MEX3D: variants seen among roughly 807,000 people sequenced by gnomAD.
MEX3D encodes mex-3 RNA binding family member D.
In MEX3D, 4 loss-of-function variants were observed where a neutral mutation model predicts 6.3. The ratio of observed to expected loss-of-function variants is 0.64; its 90% CI spans 0.31 to 1.46. The LOEUF (loss-of-function observed/expected upper bound fraction) is 1.46. Among genes scored for constraint, MEX3D ranks in the 40% most tolerant of loss-of-function variants. MEX3D has a pLI of 0.07. For synonymous variants in MEX3D, 626 were observed against 494.1 expected (o/e 1.27, Z -3.54); for missense variants, 1,038 against 994.4 (o/e 1.04, Z -0.59).
chr19:1,562,910 C>T (rs1914754476), intron 1 of MEX3D, among the ~76,000 whole-genome samples: 1 of 151,726 alleles, frequency 6.6e-6, no homozygotes, highest in Non-Finnish European at 1.5e-5. Flanking sequence ...CCCAGCTACT[C>T]GGGAGGCTGA....
chr19:1,560,291 C>T (rs978098925), intron 1 of MEX3D, among the ~76,000 whole-genome samples: 1 of 152,234 alleles, frequency 6.6e-6, no homozygotes, highest in African/African-American at 2.4e-5. Context: ...GGAAGGGAAA[C>T]TGAGGCACAG....
chr19:1,559,266 G>C (rs541000837), intron 1 of MEX3D, among the ~76,000 whole-genome samples: 2 of 152,014 alleles, frequency 1.3e-5, no homozygotes, highest in South Asian at 4.2e-4. Flanking sequence ...TGAGTAGCTG[G>C]GATTACAGGC....
rs1914464812 is a variant in MEX3D, at chr19:1,554,851, T to A, written c.*712A>T. ...ATATATTTTAGTTCTTAAAATTTAT[T>A]CCATAAAGTACATATTTCCCTATAA... On this transcript the variant is annotated 3_prime_UTR_variant, in exon 2 of 2. Coordinates refer to ENST00000402693, the MANE Select transcript of MEX3D (RefSeq NM_203304.4). 1 of 151,120 alleles carries A rather than the reference T, an allele frequency of 6.6e-6. No individual in the cohort carries two copies. The allele number at this position is 151,120 out of a possible 1,614,324, so 9.4% of individuals were successfully genotyped here. A position where few individuals can be genotyped will look rare whatever the true frequency, so the allele number is the denominator to read the frequency against.
chr19:1,558,972 C>T lies in MEX3D; in HGVS notation c.596-2049G>A, dbSNP rs377708187. On this transcript the variant is annotated intron_variant, in intron 1 of 1. Transcript: ENST00000402693. ...AGACATCCCTACCCCACCCCTGGGG[C>T]CTTAATGGTTTTTTTTTTTTTCTTT... Among the ~76,000 whole-genome samples the T allele has an allele frequency of 2.6e-5, 4 of 151,822 alleles. No homozygotes were observed. In the East Asian group the frequency reaches 7.7e-4, roughly 29 times the overall value.
At chr19:1,560,168 G>A (rs1203451810) in intron 1 of MEX3D, among the ~76,000 whole-genome samples, 1 of 151,806 alleles carries the variant, frequency 6.6e-6, no homozygotes, top group Non-Finnish European at 1.5e-5. Flanking sequence ...TGGCTTCACA[G>A]GCCCGGCTTC....
chr19:1,567,314 G>T lies in MEX3D; in HGVS notation c.595+150C>A. The T allele has an allele frequency of 1.1e-6, 1 of 912,592 alleles. No homozygotes were observed. Among genetic ancestry groups the T allele is most frequent in the Non-Finnish European group, 1.5e-6 (1 of 680,856 alleles). 56.5% of individuals were successfully genotyped at this position (912,592 alleles called of 1,614,324 possible). A position where few individuals can be genotyped will look rare whatever the true frequency, so the allele number is the denominator to read the frequency against. On this transcript the variant is annotated intron_variant, in intron 1 of 1. Transcript: ENST00000402693. The surrounding 1 kb of genome is among the most constrained non-coding windows in gnomAD (Gnocchi z 6.5). ...CCCGCGGCGGCTGCAGGACAAAGGC[G>T]CAAAGGCAGCGGCCGAGGCCGGAGC...
Position 1,556,251 on chromosome 19 carries a change from G to A in MEX3D, c.1268C>T (p.Pro423Leu). The change falls in exon 2 of 2, where the codon CCC becomes CTC. Residue 423 changes from proline to leucine, a missense_variant. Physicochemically the swap from Pro to Leu is moderately conservative, Grantham distance 98 (BLOSUM62 -3). Coordinates refer to ENST00000402693, the MANE Select transcript of MEX3D (RefSeq NM_203304.4). This position sits in a 1 kb window ranked among gnomAD's most constrained non-coding sequence, Gnocchi z 7.5. ...GCCCCCGTTGCCGGAGCCGCTGTAG[G>A]GGCTGGCGGGGCCTGGGTCCGGCAC... is the stretch of plus-strand genomic sequence containing the variant. ...PSVPDPGPASPYSGSGNGGFA... is the reference protein window; with the variant it reads ...PSVPDPGPASLYSGSGNGGFA... The A allele has an allele frequency of 7.4e-7, 1 of 1,359,438 alleles. No individual in the cohort carries two copies. The highest frequency in any genetic ancestry group is 1.5e-5 in the South Asian group (1 of 66,478). 84.2% of individuals were successfully genotyped at this position (1,359,438 alleles called of 1,614,324 possible). A position where few individuals can be genotyped will look rare whatever the true frequency, so the allele number is the denominator to read the frequency against.
At position 1,567,425 on chromosome 19, in the gene MEX3D, G is replaced by A. The variant is rs755383447; in HGVS notation, c.595+39C>T. The A allele has an allele frequency of 1.3e-6, 2 of 1,534,508 alleles. No individual in the cohort carries two copies. The highest frequency in any genetic ancestry group is 8.7e-7 in the Non-Finnish European group (1 of 1,145,612). On this transcript the variant is annotated intron_variant, in intron 1 of 1. Coordinates refer to ENST00000402693, the MANE Select transcript of MEX3D (RefSeq NM_203304.4). The surrounding 1 kb of genome is among the most constrained non-coding windows in gnomAD (Gnocchi z 6.5). ...CCCTTCCCCGGGGCGGACGGTGCGG[G>A]GACCCCCAGGACAGCAACCCCCGAC...
Position 1,556,898 on chromosome 19 carries a change from G to C in MEX3D, c.621C>G (p.Ala207=). ...GGGTCTTGATGTAGGTGTTTGTCTT[G>C]GCCCGCAGGGCCTTGATCTTGCAGC... ...RQGCKIKALR[A]KTNTYIKTPV... Residue 207 remains alanine, a synonymous_variant, in exon 2 of 2, where the codon GCC becomes GCG. Transcript: ENST00000402693. This position sits in a 1 kb window ranked among gnomAD's most constrained non-coding sequence, Gnocchi z 7.5. 1 of 1,609,120 alleles carries C rather than the reference G, an allele frequency of 6.2e-7. No homozygotes were observed. Among genetic ancestry groups the C allele is most frequent in the Non-Finnish European group, 8.5e-7 (1 of 1,178,756 alleles).
Position 1,555,852 on chromosome 19 carries a change from G to C in MEX3D, c.1667C>G (p.Ala556Gly), listed in dbSNP as rs1914525281. The C allele has an allele frequency of 2.2e-6, 3 of 1,334,970 alleles. No homozygotes were observed. The highest frequency in any genetic ancestry group is 2.9e-6 in the Non-Finnish European group (3 of 1,048,538). 82.7% of individuals were successfully genotyped at this position (1,334,970 alleles called of 1,614,324 possible). A position where few individuals can be genotyped will look rare whatever the true frequency, so the allele number is the denominator to read the frequency against. ...PQGPVSFPGG[A>G]AFSTATSLPS... ...CAGCGAGGTGGCCGTGGAGAAGGCGGCGCCGCCTGGGAAGGATACGGGGCC... is the reference window on the plus strand; with the variant it reads ...CAGCGAGGTGGCCGTGGAGAAGGCGCCGCCGCCTGGGAAGGATACGGGGCC... Residue 556 changes from alanine (A) to glycine (G), a missense_variant, in exon 2 of 2, where the codon GCC (alanine) becomes GGC (glycine). Ala to Gly is a moderately conservative substitution (Grantham distance 60, BLOSUM62 0). This residue lies in a region of MEX3D where 581 missense variants were observed against 516.2 expected (regional missense o/e 1.13). Transcript: ENST00000402693.
chr19:1,555,356 G>GCGC lies in MEX3D; in HGVS notation c.*204_*206dup. The GCGC allele has an allele frequency of 1.2e-6, 2 of 1,602,468 alleles. No individual in the cohort carries two copies. Among genetic ancestry groups the GCGC allele is most frequent in the Non-Finnish European group, 1.7e-6 (2 of 1,173,928 alleles). ...TCAATACTGTCGTTGAAGGGCTGAG[G>GCGC]CGCCGCCGGGCTGCGGGGTCTCCGT... On this transcript the variant is annotated 3_prime_UTR_variant, in exon 2 of 2. Transcript: ENST00000402693.
intron 1 of MEX3D, among the ~76,000 whole-genome samples, chr19:1,560,924 G>A (rs1324306689): frequency 1.3e-5 from 2 of 151,822 alleles, no homozygotes; most frequent in Non-Finnish European, 2.9e-5. Flanking sequence ...CACTGGAAAT[G>A]ACACAGCGAG....
chr19:1,557,129 G>A (rs993533618), intron 1 of MEX3D, among the ~76,000 whole-genome samples: 19 of 152,194 alleles, frequency 1.2e-4, no homozygotes, highest in African/African-American at 2.7e-4. Flanking sequence ...AAAGCAAGAC[G>A]GCAAGGGGAC....
At chr19:1,566,566 G>A (rs1914845211) in intron 1 of MEX3D, among the ~76,000 whole-genome samples, 1 of 152,136 alleles carries the variant, frequency 6.6e-6, no homozygotes, top group African/African-American at 2.4e-5. Context: ...CGGTCAGCGG[G>A]GACCCAGGAG....
intron 1 of MEX3D, among the ~76,000 whole-genome samples, chr19:1,561,051 G>A (rs1258570903): frequency 6.6e-6 from 1 of 152,230 alleles, no homozygotes; most frequent in Non-Finnish European, 1.5e-5. Flanking sequence ...GGCTTGAGAT[G>A]CCTGGGAATC....
At position 1,557,498 on chromosome 19, in the gene MEX3D, G is replaced by A. The variant is rs1914603747; in HGVS notation, c.596-575C>T. On this transcript the variant is annotated intron_variant, in intron 1 of 1. Transcript: ENST00000402693. Reference sequence around the variant, plus strand: ...GGAGAATCACTTGAACCCAGGAGACGAAGGTTGCAGTGAGCCAAGATTGCA... The same window carrying A: ...GGAGAATCACTTGAACCCAGGAGACAAAGGTTGCAGTGAGCCAAGATTGCA... Among the ~76,000 whole-genome samples, 7 of 148,648 alleles carry A rather than the reference G, an allele frequency of 4.7e-5. No individual in the cohort carries two copies. In the South Asian group the frequency reaches 1.3e-3, roughly 27 times the overall value.
rs115728056 is a variant in MEX3D, at chr19:1,565,552, A to G, written c.595+1912T>C. ...GCGAAACTCCGTCTCATAAATAAAT[A>G]AATAAAACCAGCATCTTGCCCCAGA... On this transcript the variant is annotated intron_variant, in intron 1 of 1. Coordinates refer to ENST00000402693, the MANE Select transcript of MEX3D (RefSeq NM_203304.4). 6.0e-3 allele frequency among the ~76,000 whole-genome samples: 921 copies of G among 152,234 alleles called. 10 individuals are homozygous for G. The highest frequency in any genetic ancestry group is 0.021 in the African/African-American group (883 of 41,540).
intron 1 of MEX3D, among the ~76,000 whole-genome samples, chr19:1,557,189 C>T (rs745643835): frequency 6.6e-6 from 1 of 152,178 alleles, no homozygotes; most frequent in African/African-American, 2.4e-5. Flanking sequence ...CCCCTGGAAC[C>T]GCAGTGTGAC....
rs768888048 is a variant in MEX3D at position 1,556,427 on chromosome 19, G to C, written c.1092C>G (p.Asp364Glu). Reference sequence around the variant, plus strand: ...AGAGGCTGGCGGCCGCCCCGAGCAGGTCCAGGCAGACGTCGGTGCCGTTGG... The same window carrying C: ...AGAGGCTGGCGGCCGCCCCGAGCAGCTCCAGGCAGACGTCGGTGCCGTTGG... ...FHANGTDVCL[D>E]LLGAAASLWA... The change falls in exon 2 of 2, where the codon GAC becomes GAG. Residue 364 changes from aspartate to glutamate, a missense_variant. Asp to Glu is a conservative substitution (Grantham distance 45). Coordinates refer to ENST00000402693, the MANE Select transcript of MEX3D (RefSeq NM_203304.4). The surrounding 1 kb of genome is among the most constrained non-coding windows in gnomAD (Gnocchi z 7.5). 2 of 1,594,148 alleles carry C rather than the reference G, an allele frequency of 1.3e-6. No homozygotes were observed. Among genetic ancestry groups the C allele is most frequent in the Middle Eastern group, 1.7e-4 (1 of 6,028 alleles).
Sources: gnomAD v4.1 joint callset for allele counts (sites outside exome capture counted in the v4.1 genomes callset) on GRCh38, gnomAD v4.1.1 for gene constraint, gnomAD v4.1.1 regional missense constraint, Gnocchi (gnomAD v3.1) non-coding constraint, MANE v1.5 for transcripts, NCBI Gene and HGNC (gene_info 2026-07-23, HGNC 2026-07-21) for gene names.